Variants in ANO1 observed in about 807,000 individuals in gnomAD.
The protein encoded by ANO1 is anoctamin 1, also known as anoctamin-1.
In ANO1, 59 loss-of-function variants were observed where a neutral mutation model predicts 124.0. The ratio of observed to expected loss-of-function variants is 0.48; its 90% CI spans 0.39 to 0.59. The LOEUF (loss-of-function observed/expected upper bound fraction) is 0.59. Among genes scored for constraint, ANO1 ranks in the 20% least tolerant of loss-of-function variants. ANO1 has a pLI of 0.00. For missense variants in ANO1, 1,059 were observed against 1,328.0 expected, an observed-to-expected ratio of 0.80 and a Z score of 3.15; for synonymous variants, 529 against 532.0, an observed-to-expected ratio of 0.99 and a Z score of 0.08.
Position 70,149,705 on chromosome 11 carries a change from C to T in ANO1, c.1259-5C>T, listed in dbSNP as rs367865148. On this transcript the variant is annotated splice_region_variant and splice_polypyrimidine_tract_variant and intron_variant, in intron 11 of 25. Transcript: ENST00000355303. ...CAGAGACTCTGGTTTTGCCCCTGCC[C>T]GCAGCTGCCACCTTCATGGAGCACT... 1.1e-4 allele frequency: 184 copies of T among 1,613,080 alleles called. No homozygotes were observed. Among genetic ancestry groups the T allele is most frequent in the East Asian group, 4.0e-4 (18 of 44,858 alleles).
chr11:70,013,616 T>TAAAACAAAAC (rs143661202), intron 1 of ANO1, among the ~76,000 whole-genome samples: 2 of 148,844 alleles, frequency 1.3e-5, no homozygotes, highest in African/African-American at 2.5e-5. Flanking sequence ...CCGTCTCCAC[T>TAAAACAAAAC]AAAACAAAAC....
intron 11 of ANO1, among the ~76,000 whole-genome samples, chr11:70,149,317 G>T (rs939994912): frequency 6.6e-6 from 1 of 152,158 alleles, no homozygotes. Flanking sequence ...GAAGTTCTCA[G>T]CCCAGGATGT....
intron 1 of ANO1, among the ~76,000 whole-genome samples, chr11:70,085,117 G>C (rs948455951): frequency 5.9e-5 from 9 of 152,122 alleles, no homozygotes; most frequent in African/African-American, 2.2e-4. Flanking sequence ...GCTGTAACCC[G>C]GGCTCTCCTG....
At chr11:70,180,265 C>CTTT (rs2048880989) in intron 23 of ANO1, among the ~76,000 whole-genome samples, 1 of 148,524 alleles carries the variant, frequency 6.7e-6, no homozygotes, top group Non-Finnish European at 1.5e-5. Flanking sequence ...TTCTCTTCAA[C>CTTT]CTTTTTCTGC....
intron 1 of ANO1, among the ~76,000 whole-genome samples, chr11:70,084,077 G>T (rs898213685): frequency 3.3e-5 from 5 of 152,132 alleles, no homozygotes; most frequent in African/African-American, 9.7e-5. Context: ...CTGGGGGAGG[G>T]GGAGAGGAGA....
rs867890923 is a variant in ANO1, at chr11:70,103,132, G to A, written c.508G>A (p.Glu170Lys). Residue 170 changes from glutamate to lysine, a missense_variant, in exon 3 of 26, where the codon GAG (glutamate) becomes AAG (lysine). Physicochemically the swap from Glu to Lys is moderately conservative, Grantham distance 56. Coordinates refer to ENST00000355303, the MANE Select transcript of ANO1 (RefSeq NM_018043.7). ...CTGGAACGTGCTGTGCAGAGAGGCCGAGTTTCTGAAACTGAAGATGCCGAC... is the reference window on the plus strand; with the variant it reads ...CTGGAACGTGCTGTGCAGAGAGGCCAAGTTTCTGAAACTGAAGATGCCGAC... ...APWNVLCREA[E>K]FLKLKMPTKK... 24 of 1,612,484 alleles carry A rather than the reference G, an allele frequency of 1.5e-5. No homozygotes were observed. The highest frequency in any genetic ancestry group is 2.0e-5 in the Non-Finnish European group (23 of 1,179,370).
intron 1 of ANO1, among the ~76,000 whole-genome samples, chr11:70,055,370 T>C (rs561993369): frequency 6.6e-6 from 1 of 152,122 alleles, no homozygotes; most frequent in Non-Finnish European, 1.5e-5. Context: ...GATATATACA[T>C]AATTTAAAAT....
rs1274947958 is a variant in ANO1 at position 70,017,523 on chromosome 11, CT to C, written c.58+31360del. On this transcript the variant is annotated intron_variant, in intron 1 of 27. Transcript: ENST00000531349. Reference sequence around the variant, plus strand: ...CCCTCCCTCCCTCCCTCCTTCCTTCCTTTCTTTCTTTCTTTTTTGTCTTACT... The same window carrying C: ...CCCTCCCTCCCTCCCTCCTTCCTTCCTTCTTTCTTTCTTTTTTGTCTTACT... 1.5e-4 allele frequency among the ~76,000 whole-genome samples: 22 copies of C among 145,844 alleles called. 1 individual carries two copies. In the Middle Eastern group the frequency reaches 0.01, roughly 68 times the overall value.
chr11:69,976,564 A>AGG, the ANO1 span, among the ~76,000 whole-genome samples: 3 of 143,090 alleles, frequency 2.1e-5, no homozygotes, highest in South Asian at 2.3e-4. Flanking sequence ...AGAGAGAGAG[A>AGG]GAGAGATTAG....
chr11:70,105,828 A>G (rs1226704143), intron 5 of ANO1, 40 bp downstream of exon 5: 1 of 1,600,506 alleles, frequency 6.2e-7, no homozygotes, highest in South Asian at 1.1e-5. Context: ...CACTGGCAAG[A>G]TGGCCCTGGG....
intron 1 of ANO1, among the ~76,000 whole-genome samples, chr11:70,031,273 A>C (rs1165663292): frequency 1.3e-5 from 2 of 152,200 alleles, no homozygotes; most frequent in Non-Finnish European, 2.9e-5. Context: ...ATATGTATAC[A>C]ACATGGTATC....
chr11:69,981,736 G>A (rs138801323), upstream of ANO1, among the ~76,000 whole-genome samples: 21 of 152,324 alleles, frequency 1.4e-4, no homozygotes, highest in Admixed American at 8.5e-4. Flanking sequence ...CCCTGCAGGC[G>A]CCTTTGTGGG....
At chr11:70,185,841 G>A (rs7103524) in intron 25 of ANO1, 146 bp downstream of exon 25, 129,948 of 891,632 alleles carry the variant, frequency 0.15, 11,382 homozygotes, top group African/African-American at 0.29. Flanking sequence ...TGGGACACCC[G>A]AGGAGGGGAC....
chr11:70,177,718 G>T (rs2048776968), intron 22 of ANO1, among the ~76,000 whole-genome samples: 1 of 140,792 alleles, frequency 7.1e-6, no homozygotes, highest in South Asian at 2.4e-4. Flanking sequence ...TCCTGCCTCA[G>T]CCTCCTGAGT....
At chr11:70,111,785 T>C in intron 7 of ANO1, 23 bp downstream of exon 7, 1 of 1,613,524 alleles carries the variant, frequency 6.2e-7, no homozygotes, top group South Asian at 1.1e-5. Flanking sequence ...GACACACGAT[T>C]TATCTCTGCG....
intron 1 of ANO1, among the ~76,000 whole-genome samples, chr11:70,019,320 ACACACACGCACG>A (rs1337869593): frequency 2.0e-5 from 3 of 147,172 alleles, no homozygotes; most frequent in Admixed American, 7.1e-5. Flanking sequence ...ATGCACATGC[ACACACACGCACG>A]CACACACACA....
At chr11:70,158,939 T>C (rs1407646793) in intron 16 of ANO1, among the ~76,000 whole-genome samples, 3 of 151,890 alleles carry the variant, frequency 2.0e-5, no homozygotes, top group African/African-American at 7.3e-5. Flanking sequence ...TCTGGCCAGG[T>C]GCCAGGCTAG....
At chr11:70,045,397 T>C (rs1416554344) in intron 1 of ANO1, among the ~76,000 whole-genome samples, 1 of 152,208 alleles carries the variant, frequency 6.6e-6, no homozygotes, top group Non-Finnish European at 1.5e-5. Flanking sequence ...ACTGCCAGGA[T>C]GTTAAGAAGC....
intron 22 of ANO1, among the ~76,000 whole-genome samples, chr11:70,177,401 G>A (rs949692518): frequency 6.6e-6 from 1 of 152,134 alleles, no homozygotes; most frequent in Non-Finnish European, 1.5e-5. Flanking sequence ...GGGGGTCTGG[G>A]TTTAGATGCT....
Sources: allele counts gnomAD v4.1 joint callset (sites outside exome capture counted in the v4.1 genomes callset), GRCh38; gene constraint gnomAD v4.1.1; transcripts MANE v1.5; gene names NCBI Gene and HGNC (gene_info 2026-07-23, HGNC 2026-07-21).